TJP1: variants seen among roughly 807,000 people sequenced by gnomAD.
TJP1 encodes tight junction protein 1, also known as tight junction protein ZO-1.
A neutral mutation model predicts 194.2 loss-of-function variants in TJP1; 43 were observed. The observed-to-expected ratio is 0.22, with a 90% CI of 0.17 to 0.29. The LOEUF is 0.29. TJP1 is among the 10% of genes least tolerant of loss of function. The pLI, the probability that TJP1 is intolerant of heterozygous loss-of-function variation, is 1.00. For missense variants in TJP1, 1,971 were observed against 2,185.7 expected, an observed-to-expected ratio of 0.90 and a Z score of 1.96; for synonymous variants, 801 against 779.0, an observed-to-expected ratio of 1.03 and a Z score of -0.47.
chr15:29,966,255 C>G (rs1238272457), intron 1 of TJP1, among the ~76,000 whole-genome samples: 1 of 152,198 alleles, frequency 6.6e-6, no homozygotes, highest in African/African-American at 2.4e-5. Context: ...GTAATCCCAG[C>G]ACTTTGGAAG....
At chr15:29,762,100 T>C (rs564893172) in intron 6 of TJP1, among the ~76,000 whole-genome samples, 24 of 152,196 alleles carry the variant, frequency 1.6e-4, no homozygotes, top group Non-Finnish European at 3.5e-4. Context: ...AACAGACATA[T>C]CTATCTACAA....
At chr15:29,733,837 G>A (rs764484115) in intron 12 of TJP1, among the ~76,000 whole-genome samples, 27 of 152,208 alleles carry the variant, frequency 1.8e-4, no homozygotes, top group Non-Finnish European at 2.9e-4. Context: ...TGTCAACAGT[G>A]CCAAGGCTGA....
At chr15:29,821,860 G>GGCCCGCT in intron 1 of TJP1, 142 bp downstream of exon 1, 1 of 793,982 alleles carries the variant, frequency 1.3e-6, no homozygotes, top group Non-Finnish European at 1.5e-6. Flanking sequence ...CGCGGCCCGC[G>GGCCCGCT]GCCCCGCGCC....
intron 8 of TJP1, among the ~76,000 whole-genome samples, chr15:29,752,987 C>T (rs997552683): frequency 6.6e-6 from 1 of 152,106 alleles, no homozygotes; most frequent in African/African-American, 2.4e-5. Flanking sequence ...TTACCCAGTT[C>T]AAAATGATGT....
chr15:29,896,797 C>T (rs1276624543), intron 2 of TJP1, among the ~76,000 whole-genome samples: 1 of 152,116 alleles, frequency 6.6e-6, no homozygotes, highest in South Asian at 2.1e-4. Flanking sequence ...CCTTTTGCTC[C>T]TGCCCTAGAG....
At chr15:29,847,149 C>T (rs1022322151) in intron 2 of TJP1, among the ~76,000 whole-genome samples, 2 of 151,974 alleles carry the variant, frequency 1.3e-5, no homozygotes, top group Non-Finnish European at 2.9e-5. Flanking sequence ...GTCACCCAGG[C>T]TGGAGTACAG....
In TJP1 at chr15:29,761,227, G is replaced by C. The variant is rs776297134; in HGVS notation, c.922C>G (p.Pro308Ala). 1 of 1,614,120 alleles carries C rather than the reference G, an allele frequency of 6.2e-7. No homozygotes were observed. Among genetic ancestry groups the C allele is most frequent in the Non-Finnish European group, 8.5e-7 (1 of 1,180,008 alleles). ...GGAGATCGTGACCGGCTGCGGCGGG[G>C]AGGCCTATCGTGTGATCGACCAGAA... Reference protein sequence around the residue: ...DHSGRSHDRPPRRSRSRSPDQ... With the variant: ...DHSGRSHDRPARRSRSRSPDQ... Residue 308 changes from proline to alanine, a missense_variant, in exon 8 of 28, where the codon CCC becomes GCC. Around this residue, in one of 5 missense-constraint regions of TJP1, gnomAD observed 192 missense variants for 182.3 expected, o/e 1.05. Transcript: ENST00000614355.
intron 1 of TJP1, among the ~76,000 whole-genome samples, chr15:29,807,696 T>G (rs549236052): frequency 1.3e-5 from 2 of 152,104 alleles, no homozygotes; most frequent in South Asian, 4.1e-4. Context: ...CAGTAACAAA[T>G]GAACATAACT....
chr15:29,849,135 T>C (rs2051535334), intron 2 of TJP1, among the ~76,000 whole-genome samples: 1 of 152,180 alleles, frequency 6.6e-6, no homozygotes, highest in Non-Finnish European at 1.5e-5. Flanking sequence ...GAGTAGGTTT[T>C]GTTGAATAAC....
chr15:29,937,819 T>C (rs1187822823), intron 2 of TJP1, among the ~76,000 whole-genome samples: 2 of 152,110 alleles, frequency 1.3e-5, no homozygotes, highest in East Asian at 3.8e-4. Flanking sequence ...TACCTAGATG[T>C]GGAAAAGTAC....
intron 2 of TJP1, among the ~76,000 whole-genome samples, chr15:29,921,827 T>C (rs1376837667): frequency 6.6e-6 from 1 of 151,520 alleles, no homozygotes; most frequent in East Asian, 2.0e-4. Flanking sequence ...TTATCCCATT[T>C]TTTTTCTTTT....
chr15:29,792,149 G>T (rs974820607), intron 2 of TJP1, among the ~76,000 whole-genome samples: 1 of 152,156 alleles, frequency 6.6e-6, no homozygotes, highest in Non-Finnish European at 1.5e-5. Flanking sequence ...ATTTTGTTGT[G>T]GTTGCCTGTT....
At chr15:29,832,676 A>G (rs2050874212) in intron 2 of TJP1, among the ~76,000 whole-genome samples, 1 of 152,342 alleles carries the variant, frequency 6.6e-6, no homozygotes, top group South Asian at 2.1e-4. Context: ...TAGGTAGACT[A>G]CTTCCTTTTG....
chr15:29,928,292 T>C (rs1486473466), intron 2 of TJP1, among the ~76,000 whole-genome samples: 1 of 152,194 alleles, frequency 6.6e-6, no homozygotes, highest in African/African-American at 2.4e-5. Flanking sequence ...TCAATATCAT[T>C]AGTAGTTAGG....
Position 29,732,821 on chromosome 15 carries a change from C to A in TJP1, c.1737-6G>T. 2 of 1,563,108 alleles carry A rather than the reference C, an allele frequency of 1.3e-6. No homozygotes were observed. The highest frequency in any genetic ancestry group is 1.7e-6 in the Non-Finnish European group (2 of 1,160,876). On this transcript the variant is annotated splice_polypyrimidine_tract_variant and splice_region_variant and intron_variant, in intron 13 of 27. Transcript: ENST00000614355. ...CACTGGCTAGCTGCTCAGCTCTACA[C>A]AAGAAAGGAGAAAATTAAAATAAGG... is the stretch of plus-strand genomic sequence containing the variant.
chr15:29,763,704 T>C (rs1468949015), intron 5 of TJP1, among the ~76,000 whole-genome samples: 1 of 149,326 alleles, frequency 6.7e-6, no homozygotes, highest in African/African-American at 2.5e-5. Context: ...GAGGCAGAGG[T>C]TGCAGTGAAC....
chr15:29,937,432 T>G (rs1007071220), intron 2 of TJP1, among the ~76,000 whole-genome samples: 4 of 152,100 alleles, frequency 2.6e-5, no homozygotes, highest in Non-Finnish European at 5.9e-5. Flanking sequence ...AAGAAAATAC[T>G]GAGAAAAAAT....
rs1313694038 is a variant in TJP1, at chr15:29,708,832, C to T, written c.4577G>A (p.Arg1526Gln). The T allele has an allele frequency of 9.9e-6, 16 of 1,613,978 alleles. No homozygotes were observed. Among genetic ancestry groups the T allele is most frequent in the Admixed American group, 1.7e-5 (1 of 60,006 alleles). The change falls in exon 25 of 28, where the codon CGA becomes CAA. Residue 1526 changes from arginine to glutamine, a missense_variant. Arg to Gln is a conservative substitution (Grantham distance 43). Transcript: ENST00000614355. ...ACTTGTATATGGTTTTGGTGTGAAT[C>T]GATTGTATGCTGGAGTGACTGTTTT... ...TQKTVTPAYNRFTPKPYTSSA... is the reference protein window; with the variant it reads ...TQKTVTPAYNQFTPKPYTSSA...
At chr15:29,817,735 C>T (rs1192581691) in intron 1 of TJP1, among the ~76,000 whole-genome samples, 1 of 152,108 alleles carries the variant, frequency 6.6e-6, no homozygotes, top group Non-Finnish European at 1.5e-5. Context: ...AACACCAGAA[C>T]AGAAAACCAA....
Sources: allele counts gnomAD v4.1 joint callset (sites outside exome capture counted in the v4.1 genomes callset), GRCh38; gene constraint gnomAD v4.1.1; regional missense constraint gnomAD v4.1.1; transcripts MANE v1.5; gene names NCBI Gene and HGNC (gene_info 2026-07-23, HGNC 2026-07-21).